Variants in NBAS observed in about 807,000 individuals in gnomAD.
The protein encoded by NBAS is NAG/BC035112 fusion.
In NBAS, 219 loss-of-function variants were observed where a neutral mutation model predicts 302.5. The observed-to-expected ratio is 0.72, with a 90% CI of 0.65 to 0.81. The LOEUF (loss-of-function observed/expected upper bound fraction) is 0.81. Among genes scored for constraint, NBAS ranks in the 30% least tolerant of loss-of-function variants. The pLI is 0.00. For synonymous variants in NBAS, 1,118 were observed against 1,021.6 expected, an observed-to-expected ratio of 1.09 and a Z score of -1.80; for missense variants, 2,932 against 2,841.6, an observed-to-expected ratio of 1.03 and a Z score of -0.72.
chr2:14,962,240 T>C, the NBAS span, among the ~76,000 whole-genome samples: 1 of 152,172 alleles, frequency 6.6e-6, no homozygotes, highest in East Asian at 1.9e-4. Context: ...CACATGTCTG[T>C]CTGGGACATG....
intron 21 of NBAS, among the ~76,000 whole-genome samples, chr2:15,445,834 G>C (rs936509636): frequency 6.6e-6 from 1 of 151,054 alleles, no homozygotes; most frequent in African/African-American, 2.4e-5. Flanking sequence ...AAACACCAAT[G>C]ACATGAGAAC....
At chr2:15,192,697 C>G (rs1040368959) in intron 48 of NBAS, among the ~76,000 whole-genome samples, 3 of 152,094 alleles carry the variant, frequency 2.0e-5, no homozygotes, top group Non-Finnish European at 2.9e-5. Context: ...TAATCTCTGT[C>G]TACATGAGAG....
In NBAS at chr2:15,179,022, T is replaced by A; in HGVS notation, c.6806A>T (p.Glu2269Val). 1 of 1,613,846 alleles carries A rather than the reference T, an allele frequency of 6.2e-7. No homozygotes were observed. The highest frequency in any genetic ancestry group is 8.5e-7 in the Non-Finnish European group (1 of 1,180,004). The change falls in exon 51 of 52, where the codon GAG becomes GTG. Residue 2269 changes from glutamate to valine, a missense_variant. Glu to Val is a moderately radical substitution (Grantham distance 121). Transcript: ENST00000281513. ...TGCCGTGATTTGCTCCAGTGCCATC[T>A]CGTGCAGATGCTCATCTCGGCTCTC... ...LLESRDEHLH[E>V]MALEQITAVT...
chr2:15,245,101 G>A (rs751096498), intron 44 of NBAS, among the ~76,000 whole-genome samples: 1 of 152,114 alleles, frequency 6.6e-6, no homozygotes, highest in Non-Finnish European at 1.5e-5. Flanking sequence ...CCAGCAGCAC[G>A]ATGGTATCTT....
intron 31 of NBAS, among the ~76,000 whole-genome samples, chr2:15,368,992 C>T (rs1674356276): frequency 6.6e-6 from 1 of 152,194 alleles, no homozygotes; most frequent in Non-Finnish European, 1.5e-5. Context: ...TACTTCAAGC[C>T]TTTCCATACC....
At chr2:15,069,819 C>T in the NBAS span, among the ~76,000 whole-genome samples, 1 of 152,170 alleles carries the variant, frequency 6.6e-6, no homozygotes, top group East Asian at 1.9e-4. Flanking sequence ...TTGGCTTTGT[C>T]TGTGAACATT....
intron 48 of NBAS, among the ~76,000 whole-genome samples, chr2:15,201,665 A>G (rs1665884308): frequency 1.3e-5 from 2 of 152,368 alleles, no homozygotes; most frequent in South Asian, 4.1e-4. Context: ...CTGGATATTT[A>G]TGGATTTTAT....
chr2:15,151,197 A>G, the NBAS span, among the ~76,000 whole-genome samples: 2 of 152,228 alleles, frequency 1.3e-5, no homozygotes, highest in African/African-American at 2.4e-5. Flanking sequence ...ATGATCAATC[A>G]TAAGTGTGGG....
At chr2:15,451,465 A>T (rs1679007028) in intron 21 of NBAS, among the ~76,000 whole-genome samples, 1 of 152,158 alleles carries the variant, frequency 6.6e-6, no homozygotes, top group Non-Finnish European at 1.5e-5. Context: ...TCAAAATATC[A>T]TCAACTTAAG....
chr2:15,238,003 C>T lies in NBAS; in HGVS notation c.5943+465G>A, dbSNP rs191790385. On this transcript the variant is annotated intron_variant, in intron 45 of 51. Transcript: ENST00000281513. ...TGTTGGTCAGACTGGTCTCGAACTCCTGACCTTGTGATCTGCCTGCCTTGG... is the reference window on the plus strand; with the variant it reads ...TGTTGGTCAGACTGGTCTCGAACTCTTGACCTTGTGATCTGCCTGCCTTGG... 3.2e-3 allele frequency among the ~76,000 whole-genome samples: 489 copies of T among 152,236 alleles called. 3 individuals are homozygous for T. The highest frequency in any genetic ancestry group is 4.4e-3 in the Non-Finnish European group (300 of 68,010).
At chr2:15,130,583 C>T in the NBAS span, among the ~76,000 whole-genome samples, 6 of 152,330 alleles carry the variant, frequency 3.9e-5, no homozygotes, top group South Asian at 1.0e-3. Flanking sequence ...AGAATATGAG[C>T]GTTAGAAAGG....
At chr2:15,484,777 T>A (rs1228269032) in intron 12 of NBAS, among the ~76,000 whole-genome samples, 1 of 152,184 alleles carries the variant, frequency 6.6e-6, no homozygotes, top group Non-Finnish European at 1.5e-5. Context: ...GAGCAGGGAC[T>A]ATGACACTGT....
chr2:14,959,240 G>C, the NBAS span, among the ~76,000 whole-genome samples: 2 of 152,184 alleles, frequency 1.3e-5, no homozygotes, highest in Non-Finnish European at 2.9e-5. Context: ...ACCAGGTGCA[G>C]GTAAAGCCCA....
chr2:14,879,214 T>G, the NBAS span, among the ~76,000 whole-genome samples: 368 of 152,320 alleles, frequency 2.4e-3, 3 homozygotes, highest in African/African-American at 8.3e-3. Context: ...CTGAAGAACA[T>G]TTTGGCTGAT....
the NBAS span, among the ~76,000 whole-genome samples, chr2:14,908,430 C>T: frequency 1.3e-5 from 2 of 152,234 alleles, no homozygotes; most frequent in African/African-American, 4.8e-5. Context: ...GAAAAGCATC[C>T]GAGCTTCTGA....
At chr2:14,937,935 C>A in the NBAS span, among the ~76,000 whole-genome samples, 1 of 152,072 alleles carries the variant, frequency 6.6e-6, no homozygotes, top group African/African-American at 2.4e-5. Flanking sequence ...TCAAGACCAG[C>A]CTGACCAATA....
the NBAS span, among the ~76,000 whole-genome samples, chr2:14,825,037 T>C: frequency 6.6e-6 from 1 of 152,208 alleles, no homozygotes; most frequent in Non-Finnish European, 1.5e-5. Context: ...GTATTTTAAT[T>C]CACAGAAAGA....
chr2:14,945,679 A>AT, the NBAS span, among the ~76,000 whole-genome samples: 1 of 152,204 alleles, frequency 6.6e-6, no homozygotes, highest in South Asian at 2.1e-4. Flanking sequence ...TACAGAATGG[A>AT]TCAAGCAAAA....
the NBAS span, among the ~76,000 whole-genome samples, chr2:14,788,871 A>G: frequency 6.6e-6 from 1 of 152,246 alleles, no homozygotes; most frequent in Non-Finnish European, 1.5e-5. Flanking sequence ...GCTGTCAGAC[A>G]TGGACATTTA....
Sources: gnomAD v4.1 joint callset for allele counts (sites outside exome capture counted in the v4.1 genomes callset) on GRCh38, gnomAD v4.1.1 for gene constraint, MANE v1.5 for transcripts, NCBI Gene and HGNC (gene_info 2026-07-23, HGNC 2026-07-21) for gene names.